The following SNX29 variants were observed in gnomAD, a reference collection of about 807,000 sequenced individuals.
SNX29 encodes sorting nexin 29.
In SNX29, 78 loss-of-function variants were observed where a neutral mutation model predicts 102.1. The observed-to-expected ratio is 0.76, with a 90% CI of 0.64 to 0.92. The LOEUF (loss-of-function observed/expected upper bound fraction) is 0.92. Ranked by LOEUF, SNX29 falls within the 40% of genes least tolerant of loss-of-function variation. SNX29 has a pLI of 0.00. For synonymous variants in SNX29, 580 were observed against 414.5 expected (o/e 1.40, Z -4.85); for missense variants, 1,280 against 1,061.7 (o/e 1.21, Z -2.86).
chr16:12,524,295 A>G (rs1487296083), intron 19 of SNX29, among the ~76,000 whole-genome samples: 2 of 151,990 alleles, frequency 1.3e-5, no homozygotes, highest in African/African-American at 2.4e-5. Flanking sequence ...GGTGTGATTG[A>G]TAATTACCCG....
In SNX29 at chr16:12,566,297, G is replaced by A. The variant is rs188390821; in HGVS notation, c.2319-2209G>A. ...CCACAGCAGGACTGGACAGAGACAC[G>A]TGCCTCCAAGCTATGTCCTCTCCCT... is the stretch of plus-strand genomic sequence containing the variant. On this transcript the variant is annotated intron_variant, in intron 20 of 20. Coordinates refer to ENST00000566228, the MANE Select transcript of SNX29 (RefSeq NM_032167.5). Among the ~76,000 whole-genome samples the A allele has an allele frequency of 1.3e-3, 196 of 152,256 alleles. 1 individual carries two copies. The highest frequency in any genetic ancestry group is 1.2e-3 in the Non-Finnish European group (81 of 68,012).
At chr16:12,482,729 G>A (rs968260280) in intron 19 of SNX29, among the ~76,000 whole-genome samples, 15 of 152,320 alleles carry the variant, frequency 9.8e-5, no homozygotes, top group African/African-American at 3.6e-4. Context: ...TTTCTCATTT[G>A]TCAGATGAGT....
In SNX29 at chr16:12,571,620, ATCT is replaced by A. The variant is rs961611189; in HGVS notation, c.*2993_*2995del. 8.5e-6 allele frequency: 9 copies of A among 1,058,424 alleles called. No homozygotes were observed. Among genetic ancestry groups the A allele is most frequent in the African/African-American group, 6.6e-5 (4 of 60,384 alleles). The allele number at this position is 1,058,424 out of a possible 1,614,324, so 65.6% of individuals were successfully genotyped here. Reference sequence around the variant, plus strand: ...CAGAACAGCAGGTTCCATCTTTCACATCTTTTTTTCTCCCCCAGATGAAAGACG... The same window carrying A: ...CAGAACAGCAGGTTCCATCTTTCACATTTTTTCTCCCCCAGATGAAAGACG... On this transcript the variant is annotated 3_prime_UTR_variant, in exon 21 of 21. Transcript: ENST00000566228.
intron 14 of SNX29, among the ~76,000 whole-genome samples, chr16:12,238,593 G>T (rs1328708989): frequency 6.6e-6 from 1 of 152,192 alleles, no homozygotes; most frequent in Non-Finnish European, 1.5e-5. Context: ...CAGAATGCTG[G>T]GATTACAGGC....
At chr16:12,472,174 G>A (rs2087377120) in intron 18 of SNX29, among the ~76,000 whole-genome samples, 3 of 152,216 alleles carry the variant, frequency 2.0e-5, no homozygotes, top group Admixed American at 6.5e-5. Flanking sequence ...AGTACTGAGT[G>A]AAAGAAACTA....
intron 9 of SNX29, among the ~76,000 whole-genome samples, chr16:12,063,069 G>T (rs980600966): frequency 6.6e-6 from 1 of 152,206 alleles, no homozygotes; most frequent in African/African-American, 2.4e-5. Flanking sequence ...CTGCAGTGTG[G>T]CTGACCCTGA....
intron 14 of SNX29, among the ~76,000 whole-genome samples, chr16:12,228,214 T>C (rs1429417461): frequency 6.6e-6 from 1 of 152,246 alleles, no homozygotes; most frequent in African/African-American, 2.4e-5. Context: ...ACTGAAATGT[T>C]CTCGGTCTCT....
chr16:12,488,528 C>CA (rs1200781733), intron 19 of SNX29, among the ~76,000 whole-genome samples: 1 of 152,184 alleles, frequency 6.6e-6, no homozygotes, highest in East Asian at 1.9e-4. Context: ...GGATCTGTCA[C>CA]AGTGCCGGGT....
intron 17 of SNX29, among the ~76,000 whole-genome samples, chr16:12,403,193 TG>T: frequency 1.3e-5 from 1 of 74,298 alleles, no homozygotes; most frequent in African/African-American, 8.1e-5. Context: ...GAGTACAGAT[TG>T]TGTGTGTATG....
intron 15 of SNX29, among the ~76,000 whole-genome samples, chr16:12,285,241 C>T (rs771201012): frequency 3.3e-5 from 5 of 152,196 alleles, no homozygotes; most frequent in Admixed American, 6.5e-5. Context: ...ATGTTGTCTT[C>T]GGGCTCTCCC....
intron 13 of SNX29, among the ~76,000 whole-genome samples, chr16:12,170,410 C>T (rs1024951860): frequency 6.6e-6 from 1 of 152,010 alleles, no homozygotes. Flanking sequence ...AAAGCCAGCT[C>T]TGGGTCTCCT....
intron 19 of SNX29, among the ~76,000 whole-genome samples, chr16:12,490,835 G>A (rs1056676397): frequency 2.0e-4 from 30 of 152,318 alleles, no homozygotes; most frequent in South Asian, 1.4e-3. Context: ...GAACACACAC[G>A]TATAACCATC....
At chr16:12,058,299 C>G (rs546119225) in intron 8 of SNX29, among the ~76,000 whole-genome samples, 2 of 152,066 alleles carry the variant, frequency 1.3e-5, no homozygotes, top group South Asian at 4.2e-4. Flanking sequence ...TCTCTCTCTT[C>G]TTTTGGGCAT....
rs114495733 is a variant in SNX29, at chr16:12,115,291, G to A, written c.1403-11342G>A. ...GACTGGATTCTCCTCCACAAGTACC[G>A]AAGGAAGAAAGTGGGTTTCTCAGTC... On this transcript the variant is annotated intron_variant, in intron 11 of 20. Coordinates refer to ENST00000566228, the MANE Select transcript of SNX29 (RefSeq NM_032167.5). 1.7e-3 allele frequency among the ~76,000 whole-genome samples: 259 copies of A among 152,172 alleles called. 1 individual carries two copies. The highest frequency in any genetic ancestry group is 5.9e-3 in the African/African-American group (243 of 41,514).
At chr16:12,344,874 T>G (rs796950062) in intron 15 of SNX29, among the ~76,000 whole-genome samples, 6 of 152,360 alleles carry the variant, frequency 3.9e-5, no homozygotes, top group African/African-American at 1.4e-4. Context: ...ACCACTGTGC[T>G]TTTGAAAGGA....
At chr16:12,208,982 C>T (rs780756565) in intron 14 of SNX29, among the ~76,000 whole-genome samples, 5 of 152,032 alleles carry the variant, frequency 3.3e-5, no homozygotes, top group Non-Finnish European at 7.3e-5. Flanking sequence ...TGCACGGGTA[C>T]ATTGTGGTGT....
chr16:12,062,740 C>G (rs2044302222), intron 9 of SNX29, among the ~76,000 whole-genome samples: 1 of 152,196 alleles, frequency 6.6e-6, no homozygotes, highest in African/African-American at 2.4e-5. Flanking sequence ...CCACTAATCA[C>G]TCAGGAAGCT....
At position 12,129,637 on chromosome 16, in the gene SNX29, C is replaced by T. The variant is rs988542742; in HGVS notation, c.1474C>T (p.Arg492Ter). 8 of 1,609,832 alleles carry T rather than the reference C, an allele frequency of 5.0e-6. No homozygotes were observed. Among genetic ancestry groups the T allele is most frequent in the Middle Eastern group, 2.3e-4 (1 of 4,438 alleles). The change falls in exon 13 of 21, where the codon CGA (arginine) becomes TGA (stop). Residue 492 changes from arginine (R) to a stop codon, truncating the protein, a stop_gained. Coordinates refer to ENST00000566228, the MANE Select transcript of SNX29 (RefSeq NM_032167.5). LOFTEE classifies it high-confidence loss of function. Reference protein sequence around the residue: ...DELEEENRSLRNLLDGEMEHS... With the variant: ...DELEEENRSL ...GGGTCCCTCTCTTCCCAGATCACTG[C>T]GAAACCTGCTCGACGGTGAGATGGA... is the stretch of plus-strand genomic sequence containing the variant.
chr16:12,264,797 G>C lies in SNX29; in HGVS notation c.1679-13136G>C, dbSNP rs141453055. ...AAAAAAAAAAGCTTCACAGGTTTAGGATGAAAACACTTATTATCTATTGAT... is the reference window on the plus strand; with the variant it reads ...AAAAAAAAAAGCTTCACAGGTTTAGCATGAAAACACTTATTATCTATTGAT... On this transcript the variant is annotated intron_variant, in intron 14 of 20. Transcript: ENST00000566228. Among the ~76,000 whole-genome samples the C allele has an allele frequency of 3.7e-3, 558 of 152,022 alleles. 4 individuals carry two copies. Among genetic ancestry groups the C allele is most frequent in the African/African-American group, 0.013 (531 of 41,464 alleles).
Sources: gnomAD v4.1 joint callset for allele counts (sites outside exome capture counted in the v4.1 genomes callset) on GRCh38, gnomAD v4.1.1 for gene constraint, MANE v1.5 for transcripts, NCBI Gene and HGNC (gene_info 2026-07-23, HGNC 2026-07-21) for gene names.